Variants in TRPM1 observed in about 807,000 individuals in gnomAD.
The protein encoded by TRPM1 is transient receptor potential cation channel subfamily M member 1.
A neutral mutation model predicts 149.4 loss-of-function variants in TRPM1; 113 were observed. The ratio of observed to expected loss-of-function variants is 0.76; its 90% confidence interval spans 0.65 to 0.88. The LOEUF is 0.88. Among genes scored for constraint, TRPM1 ranks in the 40% least tolerant of loss-of-function variants. TRPM1 has a pLI of 0.00. For missense variants in TRPM1, 1,976 were observed against 2,038.7 expected, an observed-to-expected ratio of 0.97 and a Z score of 0.59; for synonymous variants, 741 against 759.5, an observed-to-expected ratio of 0.98 and a Z score of 0.40.
chr15:31,105,317 T>G (rs1567058352), upstream of TRPM1, among the ~76,000 whole-genome samples: 1 of 152,212 alleles, frequency 6.6e-6, no homozygotes, highest in East Asian at 1.9e-4. Flanking sequence ...GCTCAGGCAC[T>G]TCTCCAAGGA....
rs2033557315 is a variant in TRPM1, at chr15:31,040,007, G to A, written c.2316+111C>T. On this transcript the variant is annotated intron_variant, in intron 18 of 27. Transcript: ENST00000256552. The surrounding 1 kb of genome is among the most constrained non-coding windows in gnomAD (Gnocchi z 4.2). ...TGATTGTCATGGCGTCTCCCTCAGG[G>A]GGTTGCTAGAAGGAATAAATGAAAT... is the stretch of plus-strand genomic sequence containing the variant. 2.2e-6 allele frequency: 2 copies of A among 917,330 alleles called. No homozygotes were observed. The highest frequency in any genetic ancestry group is 3.5e-6 in the Non-Finnish European group (2 of 572,106). 56.8% of individuals were successfully genotyped at this position (917,330 alleles called of 1,614,324 possible).
At chr15:31,053,680 G>A (rs141613534) in intron 11 of TRPM1, among the ~76,000 whole-genome samples, 1 of 152,206 alleles carries the variant, frequency 6.6e-6, no homozygotes, top group South Asian at 2.1e-4. Flanking sequence ...TGTGGGAGGA[G>A]TTTGGTGATT....
At chr15:31,018,083 G>A (rs976267758) in intron 27 of TRPM1, among the ~76,000 whole-genome samples, 6 of 151,790 alleles carry the variant, frequency 4.0e-5, no homozygotes, top group African/African-American at 9.7e-5. Context: ...ATGGAGTTTC[G>A]CTCTATCGCC....
chr15:31,160,360 G>A (rs2036429139), intron 1 of TRPM1, among the ~76,000 whole-genome samples: 1 of 152,164 alleles, frequency 6.6e-6, no homozygotes, highest in Non-Finnish European at 1.5e-5. Context: ...AGTCCTGGGA[G>A]CCTCTTGCCC....
intron 1 of TRPM1, among the ~76,000 whole-genome samples, chr15:31,096,086 AAGAAAGAAG>A (rs1033389302): frequency 2.2e-5 from 3 of 137,400 alleles, no homozygotes; most frequent in Admixed American, 1.5e-4. Context: ...AAGAAAAGAA[AAGAAAGAAG>A]GAAGGAAGGA....
chr15:31,055,009 T>A (rs1274958826), intron 11 of TRPM1, among the ~76,000 whole-genome samples: 1 of 152,170 alleles, frequency 6.6e-6, no homozygotes, highest in Non-Finnish European at 1.5e-5. Context: ...TAACAGAAAA[T>A]ATAGATAGAA....
intron 1 of TRPM1, among the ~76,000 whole-genome samples, chr15:31,088,831 A>C (rs566283079): frequency 3.3e-5 from 5 of 150,458 alleles, no homozygotes; most frequent in Admixed American, 1.3e-4. Context: ...AGGCCTTTGT[A>C]CCGGGGCGAT....
At chr15:31,107,992 G>A (rs2035631879) in intron 1 of TRPM1, among the ~76,000 whole-genome samples, 1 of 151,684 alleles carries the variant, frequency 6.6e-6, no homozygotes, top group Non-Finnish European at 1.5e-5. Context: ...CAAGTAGCTG[G>A]GATTATAGGT....
chr15:31,130,926 T>C (rs1369296807), intron 1 of TRPM1, among the ~76,000 whole-genome samples: 1 of 152,136 alleles, frequency 6.6e-6, no homozygotes, highest in Non-Finnish European at 1.5e-5. Context: ...CTCTCTCCAT[T>C]GCAATTCCCC....
intron 1 of TRPM1, among the ~76,000 whole-genome samples, chr15:31,094,164 A>C (rs1199974894): frequency 1.3e-5 from 2 of 152,228 alleles, no homozygotes; most frequent in East Asian, 3.8e-4. Flanking sequence ...CCACATGCAA[A>C]AGAATGAATT....
At chr15:31,136,119 AT>A (rs1189695638) in intron 1 of TRPM1, among the ~76,000 whole-genome samples, 2 of 151,180 alleles carry the variant, frequency 1.3e-5, no homozygotes, top group Admixed American at 6.6e-5. Context: ...GGCCATGGTC[AT>A]GTTGGCCATC....
chr15:31,058,185 TAAA>T (rs58340925), intron 11 of TRPM1, among the ~76,000 whole-genome samples: 22 of 149,396 alleles, frequency 1.5e-4, no homozygotes, highest in African/African-American at 4.2e-4. Context: ...TAAAAATACT[TAAA>T]AAAAAAAAAG....
chr15:31,098,732 T>C (rs1427298117), intron 1 of TRPM1, among the ~76,000 whole-genome samples: 1 of 152,076 alleles, frequency 6.6e-6, no homozygotes, highest in Non-Finnish European at 1.5e-5. Flanking sequence ...CCTTAAGGCA[T>C]TTCAGGCATT....
chr15:31,006,745 A>G (rs1248694150), intron 27 of TRPM1, among the ~76,000 whole-genome samples: 1 of 152,214 alleles, frequency 6.6e-6, no homozygotes, highest in Non-Finnish European at 1.5e-5. Context: ...CTAGCAGTGT[A>G]TGCAAATTCC....
intron 27 of TRPM1, among the ~76,000 whole-genome samples, chr15:31,014,969 T>C (rs2032305628): frequency 6.8e-6 from 1 of 147,188 alleles, no homozygotes; most frequent in African/African-American, 2.5e-5. Context: ...ACCAGACCAC[T>C]GGATTTCCTG....
upstream of TRPM1, among the ~76,000 whole-genome samples, chr15:31,105,464 TGTGTGTGTGCGCGCGCGCGCGC>T (rs985131534): frequency 1.4e-5 from 1 of 73,714 alleles, no homozygotes; most frequent in African/African-American, 4.3e-5. Flanking sequence ...TGTGTGTGTG[TGTGTGTGTGCGCGCGCGCGCGC>T]GTGCATCTGT....
At chr15:31,110,235 A>G (rs1205416998) in intron 1 of TRPM1, among the ~76,000 whole-genome samples, 1 of 152,224 alleles carries the variant, frequency 6.6e-6, no homozygotes, top group African/African-American at 2.4e-5. Context: ...AAAAATCTTC[A>G]TTTGTAAATT....
At chr15:31,120,535 ACTAT>A in intron 1 of TRPM1, among the ~76,000 whole-genome samples, 1 of 152,344 alleles carries the variant, frequency 6.6e-6, no homozygotes, top group African/African-American at 2.4e-5. Context: ...ATTTAACAGT[ACTAT>A]CTATTAACTT....
rs1596035247 is a variant in TRPM1, at chr15:31,068,103, G to A, written c.280-11C>T. On this transcript the variant is annotated splice_polypyrimidine_tract_variant and intron_variant, in intron 4 of 27. Coordinates refer to ENST00000256552, the MANE Select transcript of TRPM1 (RefSeq NM_001252024.2). ...GGATACACGGATATACTGTGAAAGA[G>A]TGTGTGGCACTCAGCCTCTGTTCTT... The A allele has an allele frequency of 6.2e-7, 1 of 1,610,512 alleles. No individual in the cohort carries two copies. Among genetic ancestry groups the A allele is most frequent in the South Asian group, 1.1e-5 (1 of 91,004 alleles).
Sources: allele counts gnomAD v4.1 joint callset (sites outside exome capture counted in the v4.1 genomes callset), GRCh38; gene constraint gnomAD v4.1.1; non-coding constraint Gnocchi (gnomAD v3.1); transcripts MANE v1.5; gene names NCBI Gene and HGNC (gene_info 2026-07-23, HGNC 2026-07-21).